The following SNTG1 variants were observed in gnomAD, a reference collection of about 807,000 sequenced individuals.
SNTG1 encodes syntrophin gamma 1.
In SNTG1, 39 loss-of-function variants were observed where a neutral mutation model predicts 74.7. The observed-to-expected ratio is 0.52, with a 90% CI of 0.40 to 0.68. The LOEUF is 0.68. SNTG1 is among the 30% of genes least tolerant of loss of function. The pLI, the probability that SNTG1 is intolerant of heterozygous loss-of-function variation, is 0.00. For synonymous variants in SNTG1, 254 were observed against 217.1 expected, an observed-to-expected ratio of 1.17 and a Z score of -1.49; for missense variants, 685 against 609.5, an observed-to-expected ratio of 1.12 and a Z score of -1.30.
intron 2 of SNTG1, among the ~76,000 whole-genome samples, chr8:50,234,550 T>G (rs985599431): frequency 6.6e-6 from 1 of 152,038 alleles, no homozygotes; most frequent in Non-Finnish European, 1.5e-5. Flanking sequence ...TGCAATGATA[T>G]TTTACCATAC....
At chr8:50,131,658 T>C (rs2081322391) in intron 1 of SNTG1, among the ~76,000 whole-genome samples, 1 of 152,170 alleles carries the variant, frequency 6.6e-6, no homozygotes, top group Non-Finnish European at 1.5e-5. Context: ...AGTATGATTA[T>C]CTCCTCAAAA....
At chr8:50,780,869 CT>C (rs1295511414) in intron 18 of SNTG1, among the ~76,000 whole-genome samples, 1 of 152,204 alleles carries the variant, frequency 6.6e-6, no homozygotes, top group Non-Finnish European at 1.5e-5. Context: ...CTACACACTG[CT>C]TTGAATGTGG....
intron 2 of SNTG1, among the ~76,000 whole-genome samples, chr8:50,257,977 A>G (rs777906482): frequency 2.6e-5 from 4 of 152,236 alleles, no homozygotes; most frequent in Non-Finnish European, 5.9e-5. Context: ...GAAACAGTCA[A>G]AGGAAATCTG....
In SNTG1 at chr8:50,124,967, G is replaced by A. The variant is rs968091562; in HGVS notation, c.-102-47594G>A. 4.2e-5 allele frequency among the ~76,000 whole-genome samples: 6 copies of A among 141,440 alleles called. 1 individual carries two copies. The highest frequency in any genetic ancestry group is 1.3e-4 in the African/African-American group (5 of 39,110). The allele number at this position is 141,440 out of a possible 152,430, so 92.8% of individuals were successfully genotyped here. On this transcript the variant is annotated intron_variant, in intron 1 of 18. Coordinates refer to ENST00000642720, the MANE Select transcript of SNTG1 (RefSeq NM_018967.5). ...GAACATATGTTATCTTATTTTCATG[G>A]CATACCCTCTCATAAATGTTACTAT...
rs145838794 is a variant in SNTG1 at position 50,561,640 on chromosome 8, A to T, written c.810+8461A>T. Among the ~76,000 whole-genome samples, 222 of 152,306 alleles carry T rather than the reference A, an allele frequency of 1.5e-3. 2 individuals carry two copies. The highest frequency in any genetic ancestry group is 0.01 in the Middle Eastern group (3 of 294). On this transcript the variant is annotated intron_variant, in intron 12 of 18. Transcript: ENST00000642720. Reference sequence around the variant, plus strand: ...GAATTGAAAATATAGACTGATGAGAAAGTAAAAATCATGAAATCTCAGAAC... The same window carrying T: ...GAATTGAAAATATAGACTGATGAGATAGTAAAAATCATGAAATCTCAGAAC...
At chr8:50,784,225 AATT>A (rs1338629595) in intron 18 of SNTG1, among the ~76,000 whole-genome samples, 2 of 152,170 alleles carry the variant, frequency 1.3e-5, no homozygotes. Flanking sequence ...ATATGCAAAT[AATT>A]CAGTCCTACT....
chr8:50,255,396 A>T (rs1479254996), intron 2 of SNTG1, among the ~76,000 whole-genome samples: 1 of 152,222 alleles, frequency 6.6e-6, no homozygotes, highest in Non-Finnish European at 1.5e-5. Flanking sequence ...CATGTCTGTC[A>T]TCATGCACAT....
chr8:50,325,328 CA>C (rs2090701572), intron 2 of SNTG1, among the ~76,000 whole-genome samples: 1 of 151,738 alleles, frequency 6.6e-6, no homozygotes, highest in African/African-American at 2.4e-5. Flanking sequence ...GACATCTTGA[CA>C]ATTGAGTCTA....
intron 2 of SNTG1, among the ~76,000 whole-genome samples, chr8:50,384,739 CA>C (rs1329373659): frequency 1.3e-5 from 2 of 152,104 alleles, no homozygotes; most frequent in East Asian, 3.9e-4. Context: ...CCCATGAGAC[CA>C]TAGGTGTGGG....
At chr8:50,457,666 G>A (rs1047787771) in intron 8 of SNTG1, among the ~76,000 whole-genome samples, 5 of 152,246 alleles carry the variant, frequency 3.3e-5, no homozygotes, top group African/African-American at 7.2e-5. Context: ...TAGACAAGAC[G>A]GGGGGAATCC....
intron 1 of SNTG1, among the ~76,000 whole-genome samples, chr8:49,977,063 G>A (rs1348153566): frequency 6.6e-6 from 1 of 152,122 alleles, no homozygotes; most frequent in Non-Finnish European, 1.5e-5. Flanking sequence ...GGAAGGCACA[G>A]TCATTGCAAC....
intron 1 of SNTG1, among the ~76,000 whole-genome samples, chr8:49,985,719 G>T (rs908388473): frequency 6.6e-6 from 1 of 152,060 alleles, no homozygotes; most frequent in Admixed American, 6.6e-5. Context: ...TCAGCAGAAG[G>T]GATGGTTTTC....
chr8:50,660,481 G>A (rs1398966689), intron 15 of SNTG1, among the ~76,000 whole-genome samples: 1 of 149,140 alleles, frequency 6.7e-6, no homozygotes, highest in Non-Finnish European at 1.5e-5. Context: ...GTGCACAGAG[G>A]GGAGAAAGGA....
rs536419413 is a variant in SNTG1, at chr8:50,130,874, A to T, written c.-102-41687A>T. ...TTATTGGACAACAGTATCATTTAGG[A>T]TGGGAAATAATGGTTTCAAGTAACA... is the stretch of plus-strand genomic sequence containing the variant. On this transcript the variant is annotated intron_variant, in intron 1 of 18. Coordinates refer to ENST00000642720, the MANE Select transcript of SNTG1 (RefSeq NM_018967.5). Among the ~76,000 whole-genome samples the T allele has an allele frequency of 3.3e-5, 5 of 152,200 alleles. No individual in the cohort carries two copies. In the East Asian group the frequency reaches 9.7e-4, roughly 29 times the overall value.
At chr8:50,786,584 T>C (rs2131853336) in intron 18 of SNTG1, among the ~76,000 whole-genome samples, 1 of 152,032 alleles carries the variant, frequency 6.6e-6, no homozygotes, top group African/African-American at 2.4e-5. Flanking sequence ...CCCAGTTCCA[T>C]ATTTCAAAAC....
Position 50,686,962 on chromosome 8 carries a change from C to A in SNTG1, c.1039-17638C>A, listed in dbSNP as rs13272067. On this transcript the variant is annotated intron_variant, in intron 15 of 18. Coordinates refer to ENST00000642720, the MANE Select transcript of SNTG1 (RefSeq NM_018967.5). ...CATCCTGGCTAACAAGGTGAAACCC[C>A]GTCTCTACTAAAAATACAAAAAATT... 6.4e-3 allele frequency among the ~76,000 whole-genome samples: 959 copies of A among 150,074 alleles called. 13 individuals carry two copies. Among genetic ancestry groups the A allele is most frequent in the Non-Finnish European group, 9.8e-3 (659 of 67,546 alleles).
At chr8:50,695,458 G>A (rs566903081) in intron 15 of SNTG1, among the ~76,000 whole-genome samples, 4 of 149,608 alleles carry the variant, frequency 2.7e-5, no homozygotes, top group South Asian at 4.2e-4. Flanking sequence ...AATTATGAGT[G>A]ACTTTTAATT....
At chr8:49,998,450 C>G (rs1814440706) in intron 1 of SNTG1, among the ~76,000 whole-genome samples, 1 of 152,062 alleles carries the variant, frequency 6.6e-6, no homozygotes, top group African/African-American at 2.4e-5. Flanking sequence ...AACTTTTTGA[C>G]TCTGTAAGAA....
chr8:50,304,670 C>T (rs80174380), intron 2 of SNTG1, among the ~76,000 whole-genome samples: 9,216 of 152,078 alleles, frequency 0.061, 317 homozygotes, highest in South Asian at 0.074. Context: ...TTATTTTATC[C>T]TGCTCCCACC....
Sources: allele counts gnomAD v4.1 joint callset (sites outside exome capture counted in the v4.1 genomes callset), GRCh38; gene constraint gnomAD v4.1.1; transcripts MANE v1.5; gene names NCBI Gene and HGNC (gene_info 2026-07-23, HGNC 2026-07-21).